Variants in TRIQK observed in about 807,000 individuals in gnomAD.
The protein encoded by TRIQK is triple QxxK/R motif-containing protein.
TRIQK carries 10 observed loss-of-function variants against 10.8 expected under a neutral mutation model. The ratio of observed to expected loss-of-function variants is 0.92; its 90% confidence interval spans 0.57 to 1.57. The LOEUF is 1.57. TRIQK is among the 40% of genes most tolerant of loss of function. TRIQK has a pLI of 0.00. For synonymous variants in TRIQK, 33 were observed against 33.7 expected (o/e 0.98, Z 0.07); for missense variants, 107 against 97.7 (o/e 1.09, Z -0.40).
intron 1 of TRIQK, among the ~76,000 whole-genome samples, chr8:93,004,795 T>C (rs536196004): frequency 6.6e-6 from 1 of 152,336 alleles, no homozygotes; most frequent in South Asian, 2.1e-4. Flanking sequence ...AGGGGCACAA[T>C]GCCACCAGCC....
At chr8:93,017,665 T>C (rs1174066403) in exon 1 of TRIQK, 3 of 152,236 alleles carry the variant, frequency 2.0e-5, no homozygotes. Context: ...AGGCCAGAAT[T>C]GCCGGAGTGT....
intron 1 of TRIQK, chr8:92,973,574 A>G (rs562589465): frequency 1.3e-5 from 2 of 152,176 alleles, no homozygotes; most frequent in Non-Finnish European, 2.9e-5. Context: ...GCTTGCACTG[A>G]TATCATTTCA....
intron 2 of TRIQK, among the ~76,000 whole-genome samples, chr8:92,945,405 A>T (rs1417637435): frequency 6.6e-6 from 1 of 152,202 alleles, no homozygotes; most frequent in African/African-American, 2.4e-5. Flanking sequence ...CTTCCCCAAC[A>T]ATTGCCTACT....
intron 2 of TRIQK, among the ~76,000 whole-genome samples, chr8:92,929,055 C>T (rs904458794): frequency 1.3e-5 from 2 of 152,080 alleles, no homozygotes; most frequent in African/African-American, 4.8e-5. Context: ...GGCAATGAGG[C>T]AGAGGAAAAA....
chr8:92,896,289 T>C (rs1020434966), intron 3 of TRIQK, among the ~76,000 whole-genome samples: 1 of 152,194 alleles, frequency 6.6e-6, no homozygotes, highest in South Asian at 2.1e-4. Context: ...GCAGGGTTCA[T>C]GTAGTGCTGA....
chr8:92,985,089 G>A (rs989009657), intron 1 of TRIQK, among the ~76,000 whole-genome samples: 4 of 151,678 alleles, frequency 2.6e-5, no homozygotes, highest in Admixed American at 6.6e-5. Flanking sequence ...ACTATTATAC[G>A]TTTGTTTCAT....
chr8:92,933,733 C>G (rs1015059234), intron 2 of TRIQK, among the ~76,000 whole-genome samples: 1 of 152,086 alleles, frequency 6.6e-6, no homozygotes, highest in African/African-American at 2.4e-5. Context: ...TATAGCTTGT[C>G]TATATCAGAT....
chr8:92,927,154 C>A (rs1309361920), intron 2 of TRIQK, among the ~76,000 whole-genome samples: 1 of 152,028 alleles, frequency 6.6e-6, no homozygotes, highest in Non-Finnish European at 1.5e-5. Flanking sequence ...TATTATAGCA[C>A]TGGACTATCT....
chr8:92,960,907 T>C (rs1032426724), intron 1 of TRIQK, among the ~76,000 whole-genome samples: 5 of 152,192 alleles, frequency 3.3e-5, no homozygotes, highest in Non-Finnish European at 5.9e-5. Flanking sequence ...GGAACAAAAC[T>C]GATACGGCTC....
chr8:92,990,586 G>A (rs1813086011), intron 1 of TRIQK, among the ~76,000 whole-genome samples: 1 of 152,112 alleles, frequency 6.6e-6, no homozygotes, highest in African/African-American at 2.4e-5. Context: ...TAGACAGTGG[G>A]TGCAGCCCAC....
At chr8:93,009,644 G>C (rs1009872206) in intron 1 of TRIQK, among the ~76,000 whole-genome samples, 4 of 151,934 alleles carry the variant, frequency 2.6e-5, no homozygotes, top group African/African-American at 9.7e-5. Context: ...TGTTGGCAAG[G>C]ATGTGGAGAA....
At chr8:92,896,003 G>C (rs567056649) in intron 3 of TRIQK, among the ~76,000 whole-genome samples, 9 of 152,262 alleles carry the variant, frequency 5.9e-5, no homozygotes, top group Non-Finnish European at 1.3e-4. Flanking sequence ...AGGGAGAGAA[G>C]GGGACCAGGT....
chr8:92,883,998 A>G lies in TRIQK; in HGVS notation c.*2624T>C, dbSNP rs1816340047. The G allele has an allele frequency of 6.6e-6, 1 of 151,850 alleles. No homozygotes were observed. The highest frequency in any genetic ancestry group is 2.1e-4 in the South Asian group (1 of 4,830). 9.4% of individuals were successfully genotyped at this position (151,850 alleles called of 1,614,324 possible). A position where few individuals can be genotyped will look rare whatever the true frequency, so the allele number is the denominator to read the frequency against. On this transcript the variant is annotated 3_prime_UTR_variant, in exon 5 of 5. Coordinates refer to ENST00000521988, the MANE Select transcript of TRIQK (RefSeq NM_001171797.2). ...CTTCAAACTTCAATCACAGTATTCCATAGGCTATATTTTAAGTCTATTGCA... is the reference window on the plus strand; with the variant it reads ...CTTCAAACTTCAATCACAGTATTCCGTAGGCTATATTTTAAGTCTATTGCA...
intron 2 of TRIQK, among the ~76,000 whole-genome samples, chr8:92,951,266 GT>G (rs1175632485): frequency 6.6e-6 from 1 of 151,924 alleles, no homozygotes; most frequent in Non-Finnish European, 1.5e-5. Flanking sequence ...TAGGCTTCCA[GT>G]TTCCATTTCT....
chr8:92,947,587 GAAAAAAAAAAAAAAA>G (rs35808197), intron 2 of TRIQK, among the ~76,000 whole-genome samples: 1 of 61,440 alleles, frequency 1.6e-5, no homozygotes, highest in Non-Finnish European at 2.9e-5. Flanking sequence ...TCCGCCTCAG[GAAAAAAAAAAAAAAA>G]AAAAAAAAAG....
intron 4 of TRIQK, among the ~76,000 whole-genome samples, chr8:92,887,455 C>T (rs971902143): frequency 2.0e-5 from 3 of 151,040 alleles, no homozygotes; most frequent in African/African-American, 7.3e-5. Context: ...AAAATTTACT[C>T]ATATATTATG....
intron 1 of TRIQK, among the ~76,000 whole-genome samples, chr8:93,011,179 TACACACACAC>T (rs553408139): frequency 1.8e-4 from 25 of 138,830 alleles, no homozygotes; most frequent in African/African-American, 4.5e-4. Context: ...TACACATACA[TACACACACAC>T]ACACACACAC....
intron 2 of TRIQK, among the ~76,000 whole-genome samples, chr8:92,945,980 A>G (rs970979463): frequency 2.6e-5 from 4 of 152,068 alleles, no homozygotes; most frequent in South Asian, 2.1e-4. Flanking sequence ...GCAGAAAAAA[A>G]AATGACTAAA....
At chr8:93,012,592 C>T (rs1203320342) in intron 1 of TRIQK, among the ~76,000 whole-genome samples, 2 of 151,952 alleles carry the variant, frequency 1.3e-5, no homozygotes, top group Non-Finnish European at 2.9e-5. Context: ...AATTTTAAAG[C>T]AAAATTTAGA....
Sources: gnomAD v4.1 joint callset for allele counts (sites outside exome capture counted in the v4.1 genomes callset) on GRCh38, gnomAD v4.1.1 for gene constraint, MANE v1.5 for transcripts, NCBI Gene and HGNC (gene_info 2026-07-23, HGNC 2026-07-21) for gene names.